ASB16: variants seen among roughly 807,000 people sequenced by gnomAD.
ASB16 encodes ankyrin repeat and SOCS box containing 16, also known as ankyrin repeat and SOCS box protein 16.
ASB16 carries 44 observed loss-of-function variants against 39.1 expected under a neutral mutation model. That is an observed-to-expected ratio of 1.13 (90% CI 0.88 to 1.45). The LOEUF (loss-of-function observed/expected upper bound fraction) is 1.45, where lower values mean the gene tolerates loss of function less well. ASB16 is among the 40% of genes most tolerant of loss of function. The probability of loss-of-function intolerance (pLI) is 0.00; values close to 1 mark genes in which losing one functional copy is unlikely to be tolerated. For missense variants in ASB16, 698 were observed against 634.5 expected (o/e 1.10, Z -1.07); for synonymous variants, 305 against 286.7 (o/e 1.06, Z -0.64).
Position 44,170,834 on chromosome 17 carries a change from T to C in ASB16, c.45T>C (p.Ser15=), listed in dbSNP as rs377163601. Residue 15 remains serine, a synonymous_variant, in exon 1 of 5, where the codon TCT becomes TCC. Coordinates refer to ENST00000293414, the MANE Select transcript of ASB16 (RefSeq NM_080863.5). ...CCTTCACCTCCTCCATGCTGCGCTCTCTCCGCCTGCAGCAGGAGTGGCTGG... is the reference window on the plus strand; with the variant it reads ...CCTTCACCTCCTCCATGCTGCGCTCCCTCCGCCTGCAGCAGGAGTGGCTGG... ...TFPFTSSMLR[S]LRLQQEWLEW... The C allele has an allele frequency of 3.1e-6, 5 of 1,611,192 alleles. No individual in the cohort carries two copies. The African/African-American group carries it at 6.7e-5, about 22-fold the overall frequency.
At position 44,171,104 on chromosome 17, in the gene ASB16, G is replaced by A. The variant is rs765621038; in HGVS notation, c.301+14G>A. The A allele has an allele frequency of 6.2e-7, 1 of 1,601,004 alleles. No homozygotes were observed. The highest frequency in any genetic ancestry group is 8.5e-7 in the Non-Finnish European group (1 of 1,171,982). On this transcript the variant is annotated intron_variant, in intron 1 of 4. Coordinates refer to ENST00000293414, the MANE Select transcript of ASB16 (RefSeq NM_080863.5). ...CGGCTGAACAGGGTAGGGGGCACCA[G>A]AAGAGGGCAGAAGAGGAGGGAGAAA... is the stretch of plus-strand genomic sequence containing the variant.
chr17:44,178,130 C>A, intron 4 of ASB16, 75 bp from the exon 5 acceptor site: 1 of 1,534,570 alleles, frequency 6.5e-7, no homozygotes. Context: ...CTGCAAAATC[C>A]CAGGACCCCC....
At chr17:44,178,161 T>A (rs753449501) in intron 4 of ASB16, 44 bp from the exon 5 acceptor site, 2 of 1,605,142 alleles carry the variant, frequency 1.2e-6, no homozygotes, top group Admixed American at 3.3e-5. Context: ...TGCCCCCAGA[T>A]GGTAGGGCAA....
chr17:44,171,434 C>A (rs549764586), intron 1 of ASB16, among the ~76,000 whole-genome samples: 1 of 151,836 alleles, frequency 6.6e-6, no homozygotes, highest in African/African-American at 2.4e-5. Flanking sequence ...CATGGTGGTG[C>A]GCACCTGTAA....
At chr17:44,177,556 G>A (rs1264909596) in intron 3 of ASB16, 53 bp from the exon 4 acceptor site, 6 of 1,588,556 alleles carry the variant, frequency 3.8e-6, no homozygotes, top group African/African-American at 1.3e-5. Flanking sequence ...CAAGACTTGG[G>A]TCTGCCCTCG....
Position 44,178,475 on chromosome 17 carries a change from C to CTT in ASB16, c.*88_*89dup. 1.5e-6 allele frequency: 2 copies of CTT among 1,363,598 alleles called. No homozygotes were observed. The highest frequency in any genetic ancestry group is 2.0e-6 in the Non-Finnish European group (2 of 1,015,680). The allele number at this position is 1,363,598 out of a possible 1,614,324, so 84.5% of individuals were successfully genotyped here. ...CTGCGGAGGACCAGTTCCTGGCCCTCTTTTCTTTTCTTTTTGAGACCTAGT... is the reference window on the plus strand; with the variant it reads ...CTGCGGAGGACCAGTTCCTGGCCCTCTTTTTTCTTTTCTTTTTGAGACCTAGT... On this transcript the variant is annotated 3_prime_UTR_variant, in exon 5 of 5. Coordinates refer to ENST00000293414, the MANE Select transcript of ASB16 (RefSeq NM_080863.5).
rs1308346791 is a variant in ASB16 at position 44,178,185 on chromosome 17, T to G, written c.1177-20T>G. On this transcript the variant is annotated intron_variant, in intron 4 of 4. Transcript: ENST00000293414. ...ATGGTAGGGCAAGGGTCATCTGACC[T>G]TCTTTCACTCCTGGCCTAGGAGCAC... 2 of 1,611,324 alleles carry G rather than the reference T, an allele frequency of 1.2e-6. No homozygotes were observed. The highest frequency in any genetic ancestry group is 1.7e-6 in the Non-Finnish European group (2 of 1,179,798).
chr17:44,178,584 T>G lies in ASB16; in HGVS notation c.*194T>G, dbSNP rs2054334876. The G allele has an allele frequency of 4.8e-6, 3 of 621,320 alleles. No individual in the cohort carries two copies. Among genetic ancestry groups the G allele is most frequent in the Admixed American group, 6.4e-5 (2 of 31,284 alleles). 38.5% of individuals were successfully genotyped at this position (621,320 alleles called of 1,614,324 possible). A position where few individuals can be genotyped will look rare whatever the true frequency, so the allele number is the denominator to read the frequency against. On this transcript the variant is annotated 3_prime_UTR_variant, in exon 5 of 5. Transcript: ENST00000293414. ...ACCACCTAGGTTCAAGCGATTCTTG[T>G]GCCCCAAACTTCCGAGTAGCTGGGA...
At chr17:44,172,460 A>G (rs946911647) in intron 2 of ASB16, 147 bp downstream of exon 2, 14 of 952,794 alleles carry the variant, frequency 1.5e-5, no homozygotes, top group Non-Finnish European at 2.0e-5. Flanking sequence ...TAACCTGGAG[A>G]CACCTCATCC....
At position 44,176,836 on chromosome 17, in the gene ASB16, A is replaced by G. The variant is rs200625323; in HGVS notation, c.668A>G (p.Glu223Gly). ...PLHVAAARGL[E>G]QHVALYLEHG... ...CACGTGGCGGCGGCGCGCGGCCTGG[A>G]GCAACATGTGGCTCTGTACCTGGAG... The change falls in exon 3 of 5, where the codon GAG becomes GGG. Residue 223 changes from glutamate (E) to glycine (G), a missense_variant. Coordinates refer to ENST00000293414, the MANE Select transcript of ASB16 (RefSeq NM_080863.5). The G allele has an allele frequency of 0.01, 16,289 of 1,612,168 alleles. 98 individuals are homozygous for G. The highest frequency in any genetic ancestry group is 0.013 in the Non-Finnish European group (14,847 of 1,179,178).
chr17:44,177,450 A>G (rs1297399047), intron 3 of ASB16, 159 bp from the exon 4 acceptor site: 1 of 1,141,596 alleles, frequency 8.8e-7, no homozygotes, highest in Non-Finnish European at 1.2e-6. Flanking sequence ...AGGTTGGAGC[A>G]TACTTGAGGG....
In ASB16 at chr17:44,176,804, G is replaced by C; in HGVS notation, c.636G>C (p.Thr212=). ...VNLAAGESQE[T]PLHVAAARGL... ...TGGCAGCAGGCGAGAGCCAGGAGAC[G>C]CCCCTGCACGTGGCGGCGGCGCGCG... Residue 212 remains threonine, a synonymous_variant, in exon 3 of 5, where the codon ACG becomes ACC. Transcript: ENST00000293414. 1 of 1,613,220 alleles carries C rather than the reference G, an allele frequency of 6.2e-7. No individual in the cohort carries two copies. The highest frequency in any genetic ancestry group is 8.5e-7 in the Non-Finnish European group (1 of 1,179,500).
intron 4 of ASB16, 52 bp from the exon 5 acceptor site, chr17:44,178,153 C>T (rs1481178360): frequency 6.3e-7 from 1 of 1,597,328 alleles, no homozygotes; most frequent in East Asian, 2.2e-5. Context: ...CGCTGGGTTG[C>T]CCCCAGATGG....
Position 44,178,326 on chromosome 17 carries a change from G to GGCTGCC in ASB16, c.1299_1304dup (p.Leu436_Pro437dup). 1 of 1,611,388 alleles carries GGCTGCC rather than the reference G, an allele frequency of 6.2e-7. No homozygotes were observed. Among genetic ancestry groups the GGCTGCC allele is most frequent in the East Asian group, 2.2e-5 (1 of 44,844 alleles). On this transcript the variant is annotated inframe_insertion, in exon 5 of 5. Transcript: ENST00000293414. Reference sequence around the variant, plus strand: ...AGCCGCTGCCGGCAGGGTGCCACCCGGCTGCCACTGCCCCCGCTCCTCAGG... The same window carrying GGCTGCC: ...AGCCGCTGCCGGCAGGGTGCCACCCGGCTGCCGCTGCCACTGCCCCCGCTCCTCAGG...
At position 44,170,875 on chromosome 17, in the gene ASB16, G is replaced by T; in HGVS notation, c.86G>T (p.Arg29Leu). 1 of 1,611,384 alleles carries T rather than the reference G, an allele frequency of 6.2e-7. No homozygotes were observed. Among genetic ancestry groups the T allele is most frequent in the Non-Finnish European group, 8.5e-7 (1 of 1,179,456 alleles). The change falls in exon 1 of 5, where the codon CGG (arginine) becomes CTG (leucine). Residue 29 changes from arginine to leucine, a missense_variant. Transcript: ENST00000293414. ...QQEWLEWEDR[R>L]RAAAQQCRSR... ...GAGTGGCTGGAATGGGAGGACCGGC[G>T]GCGGGCGGCTGCCCAGCAGTGCCGG...
At chr17:44,177,283 TG>T in intron 3 of ASB16, 53 bp downstream of exon 3, 1 of 1,476,646 alleles carries the variant, frequency 6.8e-7, no homozygotes. Flanking sequence ...AGCCCGCGGC[TG>T]GAACTGCTCC....
chr17:44,170,783 C>T lies in ASB16; in HGVS notation c.-7C>T. On this transcript the variant is annotated 5_prime_UTR_variant, in exon 1 of 5. Coordinates refer to ENST00000293414, the MANE Select transcript of ASB16 (RefSeq NM_080863.5). ...GGTGCCACTGCCCAAACCCCTGGGC[C>T]CCATCCATGGCAAGAGAGACCTTCC... The T allele has an allele frequency of 6.3e-7, 1 of 1,582,568 alleles. No individual in the cohort carries two copies. The highest frequency in any genetic ancestry group is 2.2e-5 in the East Asian group (1 of 44,640).
chr17:44,177,447 A>C lies in ASB16; in HGVS notation c.1063-162A>C. ...AGGAAAACTGGGGCCAAAAGGTTGG[A>C]GCATACTTGAGGGTGGGGTAGACAG... On this transcript the variant is annotated intron_variant, in intron 3 of 4. Coordinates refer to ENST00000293414, the MANE Select transcript of ASB16 (RefSeq NM_080863.5). The C allele has an allele frequency of 4.4e-6, 5 of 1,132,722 alleles. No homozygotes were observed. In the South Asian group the frequency reaches 8.3e-5, roughly 19 times the overall value. 70.2% of individuals were successfully genotyped at this position (1,132,722 alleles called of 1,614,324 possible). A position where few individuals can be genotyped will look rare whatever the true frequency, so the allele number is the denominator to read the frequency against.
chr17:44,173,594 G>A (rs1450306176), intron 2 of ASB16, among the ~76,000 whole-genome samples: 3 of 152,246 alleles, frequency 2.0e-5, no homozygotes, highest in East Asian at 3.9e-4. Flanking sequence ...TCGGGAGGCT[G>A]AGGCAGGATG....
Sources: gnomAD v4.1 joint callset for allele counts (sites outside exome capture counted in the v4.1 genomes callset) on GRCh38, gnomAD v4.1.1 for gene constraint, MANE v1.5 for transcripts, NCBI Gene and HGNC (gene_info 2026-07-23, HGNC 2026-07-21) for gene names.